Variants in CCNY observed in about 807,000 individuals in gnomAD.
CCNY encodes cyclin-Y.
In CCNY, 19 loss-of-function variants were observed where a neutral mutation model predicts 42.8. The ratio of observed to expected loss-of-function variants is 0.44; its 90% CI spans 0.31 to 0.65. The LOEUF (loss-of-function observed/expected upper bound fraction) is 0.65, where lower values mean the gene tolerates loss of function less well. Among genes scored for constraint, CCNY ranks in the 30% least tolerant of loss-of-function variants. CCNY has a pLI of 0.07. For missense variants in CCNY, 370 were observed against 437.3 expected, an observed-to-expected ratio of 0.85 and a Z score of 1.37; for synonymous variants, 165 against 162.7, an observed-to-expected ratio of 1.01 and a Z score of -0.11.
At chr10:35,376,832 A>G (rs1473568964) in intron 1 of CCNY, among the ~76,000 whole-genome samples, 2 of 152,242 alleles carry the variant, frequency 1.3e-5, no homozygotes, top group Non-Finnish European at 2.9e-5. Flanking sequence ...CGTATATGAA[A>G]TGTCCAGAAC....
chr10:35,457,459 G>T (rs1376906643), intron 1 of CCNY, among the ~76,000 whole-genome samples: 2 of 152,170 alleles, frequency 1.3e-5, no homozygotes, highest in Admixed American at 6.5e-5. Context: ...CGTGTTTCCT[G>T]TGTCTGGACA....
rs753774986 is a variant in CCNY, at chr10:35,337,092, C to T, written c.39C>T (p.Pro13=). Residue 13 remains proline, a synonymous_variant, in exon 1 of 10, where the codon CCC becomes CCT. Transcript: ENST00000374704. ...CCTCGTGCTGCGTGTCGTCCAGTCC[C>T]AAGCTCCGGAGGAATGCCCACTCCC... is the stretch of plus-strand genomic sequence containing the variant. ...NTTSCCVSSS[P]KLRRNAHSRL... is the part of the protein sequence containing the mutation. 2 of 1,595,606 alleles carry T rather than the reference C, an allele frequency of 1.3e-6. No individual in the cohort carries two copies. The highest frequency in any genetic ancestry group is 2.3e-5 in the South Asian group (2 of 87,986).
chr10:35,386,021 C>A (rs1333788364), intron 1 of CCNY, among the ~76,000 whole-genome samples: 3 of 151,790 alleles, frequency 2.0e-5, no homozygotes, highest in Non-Finnish European at 4.4e-5. Context: ...TTTTCCCCAG[C>A]AATCTGATTG....
At chr10:35,554,111 C>T (rs1047709093) in intron 8 of CCNY, among the ~76,000 whole-genome samples, 10 of 152,294 alleles carry the variant, frequency 6.6e-5, no homozygotes, top group African/African-American at 2.2e-4. Flanking sequence ...CACATCCCTG[C>T]CCCCAGTAAT....
At chr10:35,294,858 A>G (rs1027066372) in intron 3 of CCNY, among the ~76,000 whole-genome samples, 2 of 152,228 alleles carry the variant, frequency 1.3e-5, no homozygotes, top group Non-Finnish European at 2.9e-5. Context: ...TCACAAGTGA[A>G]GTTACCTGGG....
intron 1 of CCNY, among the ~76,000 whole-genome samples, chr10:35,360,061 G>A (rs1033853501): frequency 2.6e-5 from 4 of 152,106 alleles, no homozygotes; most frequent in African/African-American, 9.7e-5. Flanking sequence ...CGATAATGCC[G>A]CTAGGCACAC....
At chr10:35,367,868 G>A (rs1564384671) in intron 1 of CCNY, among the ~76,000 whole-genome samples, 1 of 152,162 alleles carries the variant, frequency 6.6e-6, no homozygotes, top group Non-Finnish European at 1.5e-5. Flanking sequence ...CTCTAATTTT[G>A]CCTATACTCC....
At chr10:35,465,932 A>AGTGT (rs1564422014) in intron 1 of CCNY, among the ~76,000 whole-genome samples, 1 of 137,942 alleles carries the variant, frequency 7.2e-6, no homozygotes, top group African/African-American at 2.9e-5. Context: ...AGAGAGAGAG[A>AGTGT]GAGAGAGTGT....
chr10:35,439,526 C>G (rs914605731), intron 1 of CCNY, among the ~76,000 whole-genome samples: 1 of 151,766 alleles, frequency 6.6e-6, no homozygotes, highest in African/African-American at 2.4e-5. Context: ...CTCTTTCTCT[C>G]TCTCTCTCTT....
chr10:35,491,715 A>G (rs1470371392), intron 2 of CCNY, among the ~76,000 whole-genome samples: 1 of 151,746 alleles, frequency 6.6e-6, no homozygotes, highest in Non-Finnish European at 1.5e-5. Flanking sequence ...CCGGGTTCAC[A>G]CCATTCTCCT....
intron 1 of CCNY, among the ~76,000 whole-genome samples, chr10:35,405,869 T>A (rs911718367): frequency 6.6e-6 from 1 of 152,216 alleles, no homozygotes; most frequent in African/African-American, 2.4e-5. Flanking sequence ...CCTGCACAGA[T>A]GGGACACGGT....
intron 2 of CCNY, among the ~76,000 whole-genome samples, chr10:35,494,128 G>A (rs7902346): frequency 0.36 from 54,528 of 151,372 alleles, 10,326 homozygotes; most frequent in African/African-American, 0.47. Flanking sequence ...GTTGCTTCCA[G>A]GTTAGGCACA....
intron 1 of CCNY, among the ~76,000 whole-genome samples, chr10:35,358,876 A>T (rs1836619397): frequency 6.6e-6 from 1 of 152,164 alleles, no homozygotes; most frequent in African/African-American, 2.4e-5. Context: ...AGGCCAGGTG[A>T]AGGGATGCCC....
At chr10:35,453,372 T>G (rs1218117973) in intron 1 of CCNY, among the ~76,000 whole-genome samples, 1 of 152,232 alleles carries the variant, frequency 6.6e-6, no homozygotes, top group Non-Finnish European at 1.5e-5. Context: ...TGTGGGAAAT[T>G]TTCCGCTTAT....
intron 1 of CCNY, among the ~76,000 whole-genome samples, chr10:35,424,762 C>T (rs1423359183): frequency 1.3e-5 from 2 of 152,176 alleles, no homozygotes; most frequent in Non-Finnish European, 2.9e-5. Flanking sequence ...TGTGCCTGGC[C>T]AGGCGCATAA....
intron 1 of CCNY, among the ~76,000 whole-genome samples, chr10:35,341,417 C>T (rs1589045951): frequency 6.6e-6 from 1 of 152,344 alleles, no homozygotes; most frequent in South Asian, 2.1e-4. Context: ...CCCTGCACTC[C>T]TGTTTCTTTA....
At chr10:35,494,255 A>C (rs1344112811) in intron 2 of CCNY, among the ~76,000 whole-genome samples, 1 of 139,544 alleles carries the variant, frequency 7.2e-6, no homozygotes, top group East Asian at 2.4e-4. Context: ...CATTTCTACA[A>C]AAAAATAAAG....
intron 7 of CCNY, among the ~76,000 whole-genome samples, chr10:35,538,064 G>A (rs941598578): frequency 1.1e-4 from 16 of 152,172 alleles, no homozygotes; most frequent in Admixed American, 3.9e-4. Context: ...TAAGTCTTAC[G>A]AGATCTGATG....
chr10:35,287,715 C>T (rs149746129), intron 3 of CCNY, among the ~76,000 whole-genome samples: 1 of 151,998 alleles, frequency 6.6e-6, no homozygotes, highest in African/African-American at 2.4e-5. Context: ...TATGAATATA[C>T]CATAATTTGA....
Sources: gnomAD v4.1 joint callset for allele counts (sites outside exome capture counted in the v4.1 genomes callset) on GRCh38, gnomAD v4.1.1 for gene constraint, MANE v1.5 for transcripts, NCBI Gene and HGNC (gene_info 2026-07-23, HGNC 2026-07-21) for gene names.